CMTM3: variants seen among roughly 807,000 people sequenced by gnomAD.
The protein encoded by CMTM3 is CKLF-like MARVEL transmembrane domain-containing protein 3.
In CMTM3, 7 loss-of-function variants were observed where a neutral mutation model predicts 18.2. That is an observed-to-expected ratio of 0.38 (90% CI 0.22 to 0.72). The LOEUF is 0.72. Ranked by LOEUF, CMTM3 falls within the 30% of genes least tolerant of loss-of-function variation. The probability of loss-of-function intolerance (pLI) is 0.46; values close to 1 mark genes in which losing one functional copy is unlikely to be tolerated. For synonymous variants in CMTM3, 109 were observed against 111.2 expected, an observed-to-expected ratio of 0.98 and a Z score of 0.12; for missense variants, 227 against 249.2, an observed-to-expected ratio of 0.91 and a Z score of 0.60.
At chr16:66,607,204 G>T (rs1264892488) in intron 1 of CMTM3, among the ~76,000 whole-genome samples, 1 of 152,212 alleles carries the variant, frequency 6.6e-6, no homozygotes, top group Non-Finnish European at 1.5e-5. Flanking sequence ...ACCTTGGCCT[G>T]CTCTGCAGCG....
chr16:66,612,562 C>T lies in CMTM3; in HGVS notation c.521-47C>T, dbSNP rs747504743. On this transcript the variant is annotated intron_variant, in intron 4 of 4. Transcript: ENST00000567572. The surrounding 1 kb of genome is among the most constrained non-coding windows in gnomAD (Gnocchi z 6.0). ...TTCCCCAGAGACCGTTCCCAGGCAC[C>T]GCTGCCCTGAGCCTCCTGCCAAGCA... 1.2e-5 allele frequency: 19 copies of T among 1,604,376 alleles called. No individual in the cohort carries two copies. In the East Asian group the frequency reaches 1.6e-4, roughly 13 times the overall value.
rs755700413 is a variant in CMTM3 at position 66,609,929 on chromosome 16, T to A, written c.446T>A (p.Leu149Gln). ...ATCGTGTTTGCAACTGATTTCTACC[T>A]GATCTTTAACGACGTGGCCAAATTC... ...ATIVFATDFYLIFNDVAKFLK... is the reference protein window; with the variant it reads ...ATIVFATDFYQIFNDVAKFLK... The change falls in exon 4 of 5, where the codon CTG becomes CAG. Residue 149 changes from leucine (L) to glutamine (Q), a missense_variant. Physicochemically the swap from Leu to Gln is moderately radical, Grantham distance 113. Transcript: ENST00000567572. The surrounding 1 kb of genome is among the most constrained non-coding windows in gnomAD (Gnocchi z 4.4). The A allele has an allele frequency of 3.7e-6, 6 of 1,614,168 alleles. No homozygotes were observed. The highest frequency in any genetic ancestry group is 1.6e-4 in the Middle Eastern group (1 of 6,062).
rs531022380 is a variant in CMTM3 at position 66,610,156 on chromosome 16, G to GCA, written c.520+155_520+156dup. The stretch of plus-strand genomic sequence containing the variant: ...GCCCATTCTCACCTACCCTCATGCA[G>GCA]CACTGATCCAAAGCCAGTCCCATTC... On this transcript the variant is annotated intron_variant, in intron 4 of 4. Coordinates refer to ENST00000567572, the MANE Select transcript of CMTM3 (RefSeq NM_181553.4). This position sits in a 1 kb window ranked among gnomAD's most constrained non-coding sequence, Gnocchi z 4.6. The GCA allele has an allele frequency of 2.4e-3, 2,284 of 942,028 alleles. 5 individuals carry two copies. Among genetic ancestry groups the GCA allele is most frequent in the Non-Finnish European group, 3.1e-3 (1,932 of 630,894 alleles). The allele number at this position is 942,028 out of a possible 1,614,324, so 58.4% of individuals were successfully genotyped here. A position where few individuals can be genotyped will look rare whatever the true frequency, so the allele number is the denominator to read the frequency against.
At chr16:66,607,611 T>C (rs1300353898) in intron 1 of CMTM3, among the ~76,000 whole-genome samples, 1 of 152,246 alleles carries the variant, frequency 6.6e-6, no homozygotes, top group African/African-American at 2.4e-5. Context: ...GAAATCTACA[T>C]TCAGTGACGA....
chr16:66,607,817 G>A (rs993731233), intron 1 of CMTM3, among the ~76,000 whole-genome samples: 1 of 151,846 alleles, frequency 6.6e-6, no homozygotes, highest in African/African-American at 2.4e-5. Context: ...GCATAGGTGT[G>A]AGCCTGGGCC....
In CMTM3 at chr16:66,609,712, T is replaced by A. The variant is rs2015301629; in HGVS notation, c.400-171T>A. 6.4e-7 allele frequency: 1 copy of A among 1,552,004 alleles called. No individual in the cohort carries two copies. Among genetic ancestry groups the A allele is most frequent in the Non-Finnish European group, 8.7e-7 (1 of 1,149,500 alleles). On this transcript the variant is annotated intron_variant, in intron 3 of 4. Coordinates refer to ENST00000567572, the MANE Select transcript of CMTM3 (RefSeq NM_181553.4). This position sits in a 1 kb window ranked among gnomAD's most constrained non-coding sequence, Gnocchi z 4.4. ...CTACCCGGGGTTTTGAAAGGCTGTT[T>A]GTCAAACCAAGTTCACAGCTCATTT...
chr16:66,609,629 CT>C lies in CMTM3; in HGVS notation c.399+100del. On this transcript the variant is annotated intron_variant, in intron 3 of 4. Transcript: ENST00000567572. The surrounding 1 kb of genome is among the most constrained non-coding windows in gnomAD (Gnocchi z 4.4). ...AGAGCCTTTCCCTGCTGGGGCCCCC[CT>C]GGGGTCTCATGTGGGTCCCGATGAT... The C allele has an allele frequency of 6.6e-7, 1 of 1,514,512 alleles. No individual in the cohort carries two copies. Among genetic ancestry groups the C allele is most frequent in the Non-Finnish European group, 8.9e-7 (1 of 1,120,098 alleles). The allele number at this position is 1,514,512 out of a possible 1,614,324, so 93.8% of individuals were successfully genotyped here.
rs1236589869 is a variant in CMTM3 at position 66,613,767 on chromosome 16, T to C, written c.*1130T>C. Reference sequence around the variant, plus strand: ...CTGACCACTTGCTTGGAGTGTGTGCTTGAAAAAACCAGAGCAATACTGTTG... The same window carrying C: ...CTGACCACTTGCTTGGAGTGTGTGCCTGAAAAAACCAGAGCAATACTGTTG... On this transcript the variant is annotated 3_prime_UTR_variant, in exon 5 of 5. Coordinates refer to ENST00000567572, the MANE Select transcript of CMTM3 (RefSeq NM_181553.4). The C allele has an allele frequency of 6.6e-6, 1 of 152,326 alleles. No homozygotes were observed. The highest frequency in any genetic ancestry group is 1.5e-5 in the Non-Finnish European group (1 of 68,124). 9.4% of individuals were successfully genotyped at this position (152,326 alleles called of 1,614,324 possible). A position where few individuals can be genotyped will look rare whatever the true frequency, so the allele number is the denominator to read the frequency against.
Position 66,610,196 on chromosome 16 carries a change from C to A in CMTM3, c.520+193C>A. On this transcript the variant is annotated intron_variant, in intron 4 of 4. Transcript: ENST00000567572. This position sits in a 1 kb window ranked among gnomAD's most constrained non-coding sequence, Gnocchi z 4.6. ...CAGTCCCATTCGCCTCGTGCACCCT[C>A]ACCCCAGCCTTTCTAGGAGGGGCAA... 5.8e-6 allele frequency: 4 copies of A among 692,104 alleles called. 1 individual carries two copies. Among genetic ancestry groups the A allele is most frequent in the South Asian group, 1.9e-5 (1 of 52,642 alleles). The allele number at this position is 692,104 out of a possible 1,614,324, so 42.9% of individuals were successfully genotyped here.
At chr16:66,611,449 G>A (rs904590669) in intron 4 of CMTM3, among the ~76,000 whole-genome samples, 8 of 151,940 alleles carry the variant, frequency 5.3e-5, no homozygotes, top group Non-Finnish European at 1.0e-4. Flanking sequence ...ACTCCATCTC[G>A]GGGGGAAAAA....
Position 66,613,112 on chromosome 16 carries a change from T to G in CMTM3, c.*475T>G. 1.4e-6 allele frequency: 1 copy of G among 703,074 alleles called. No individual in the cohort carries two copies. The allele number at this position is 703,074 out of a possible 1,614,324, so 43.6% of individuals were successfully genotyped here. On this transcript the variant is annotated 3_prime_UTR_variant, in exon 5 of 5. Transcript: ENST00000567572. ...GTGCTCCTGCCCACACCAGCCACTT[T>G]GGTGACAATGACCCTTCCAAGAATC...
rs1447782622 is a variant in CMTM3, at chr16:66,610,153, G to A, written c.520+150G>A. On this transcript the variant is annotated intron_variant, in intron 4 of 4. Transcript: ENST00000567572. The surrounding 1 kb of genome is among the most constrained non-coding windows in gnomAD (Gnocchi z 4.6). ...ACAGCCCATTCTCACCTACCCTCAT[G>A]CAGCACTGATCCAAAGCCAGTCCCA... The A allele has an allele frequency of 3.1e-6, 3 of 968,972 alleles. No individual in the cohort carries two copies. The highest frequency in any genetic ancestry group is 4.6e-6 in the Non-Finnish European group (3 of 652,140). The allele number at this position is 968,972 out of a possible 1,614,324, so 60.0% of individuals were successfully genotyped here. A position where few individuals can be genotyped will look rare whatever the true frequency, so the allele number is the denominator to read the frequency against.
At position 66,613,833 on chromosome 16, in the gene CMTM3, G is replaced by A. The variant is rs1000830569; in HGVS notation, c.*1196G>A. 3 of 152,190 alleles carry A rather than the reference G, an allele frequency of 2.0e-5. No individual in the cohort carries two copies. Among genetic ancestry groups the A allele is most frequent in the African/African-American group, 7.2e-5 (3 of 41,462 alleles). 9.4% of individuals were successfully genotyped at this position (152,190 alleles called of 1,614,324 possible). A position where few individuals can be genotyped will look rare whatever the true frequency, so the allele number is the denominator to read the frequency against. ...TTCAGTACAAACTGGTAACACCAAT[G>A]TGGATCCTGACAGCTTTCAGTTTTA... On this transcript the variant is annotated 3_prime_UTR_variant, in exon 5 of 5. Transcript: ENST00000567572.
chr16:66,610,024 C>A lies in CMTM3; in HGVS notation c.520+21C>A. On this transcript the variant is annotated intron_variant, in intron 4 of 4. Coordinates refer to ENST00000567572, the MANE Select transcript of CMTM3 (RefSeq NM_181553.4). The surrounding 1 kb of genome is among the most constrained non-coding windows in gnomAD (Gnocchi z 4.6). ...AGAAGGTAAGCGGCTGCCCTGATCA[C>A]CCCAGCAGTGCTGCAACAGGGGCCT... 2 of 1,613,184 alleles carry A rather than the reference C, an allele frequency of 1.2e-6. No homozygotes were observed. Among genetic ancestry groups the A allele is most frequent in the Non-Finnish European group, 1.7e-6 (2 of 1,179,422 alleles).
At position 66,610,814 on chromosome 16, in the gene CMTM3, G is replaced by A. The variant is rs1386606631; in HGVS notation, c.520+811G>A. The A allele has an allele frequency of 2.5e-6, 1 of 398,572 alleles. No individual in the cohort carries two copies. The highest frequency in any genetic ancestry group is 4.4e-5 in the Admixed American group (1 of 22,720). 24.7% of individuals were successfully genotyped at this position (398,572 alleles called of 1,614,324 possible). ...TTGGGATCTTCCCTAGGCAGGACCA[G>A]TAGGTTAGGCTTAAGAGCCACTGGT... is the stretch of plus-strand genomic sequence containing the variant. On this transcript the variant is annotated intron_variant, in intron 4 of 4. Transcript: ENST00000567572. This position sits in a 1 kb window ranked among gnomAD's most constrained non-coding sequence, Gnocchi z 4.6.
chr16:66,610,837 G>A lies in CMTM3; in HGVS notation c.520+834G>A. On this transcript the variant is annotated intron_variant, in intron 4 of 4. Coordinates refer to ENST00000567572, the MANE Select transcript of CMTM3 (RefSeq NM_181553.4). This position sits in a 1 kb window ranked among gnomAD's most constrained non-coding sequence, Gnocchi z 4.6. ...CAGTAGGTTAGGCTTAAGAGCCACTGGTTTCCTAACAGCCAGGTGCTGGGG... is the reference window on the plus strand; with the variant it reads ...CAGTAGGTTAGGCTTAAGAGCCACTAGTTTCCTAACAGCCAGGTGCTGGGG... 2.5e-6 allele frequency: 1 copy of A among 398,636 alleles called. No individual in the cohort carries two copies. The highest frequency in any genetic ancestry group is 4.4e-6 in the Non-Finnish European group (1 of 226,100). The allele number at this position is 398,636 out of a possible 1,614,324, so 24.7% of individuals were successfully genotyped here. A position where few individuals can be genotyped will look rare whatever the true frequency, so the allele number is the denominator to read the frequency against.
At chr16:66,611,188 C>G in intron 4 of CMTM3, 1 of 219,730 alleles carries the variant, frequency 4.6e-6, no homozygotes, top group Non-Finnish European at 8.9e-6. Flanking sequence ...CACAGTGGCT[C>G]ACGCCTGTAA....
intron 1 of CMTM3, among the ~76,000 whole-genome samples, chr16:66,606,281 C>T (rs995349128): frequency 6.6e-6 from 1 of 152,006 alleles, no homozygotes; most frequent in Non-Finnish European, 1.5e-5. Context: ...CCCCAGAAAT[C>T]GCGGGATGAA....
rs2015250451 is a variant in CMTM3, at chr16:66,608,570, G to A, written c.303+106G>A. 8.5e-7 allele frequency: 1 copy of A among 1,171,486 alleles called. No homozygotes were observed. The highest frequency in any genetic ancestry group is 1.2e-6 in the Non-Finnish European group (1 of 829,434). 72.6% of individuals were successfully genotyped at this position (1,171,486 alleles called of 1,614,324 possible). On this transcript the variant is annotated intron_variant, in intron 2 of 4. Transcript: ENST00000567572. The surrounding 1 kb of genome is among the most constrained non-coding windows in gnomAD (Gnocchi z 5.1). ...CTTATCCTTTCTCTAGTGTGCTGGA[G>A]TTTGCAGTTGGTTAGAACTGGATGG...
Sources: gnomAD v4.1 joint callset for allele counts (sites outside exome capture counted in the v4.1 genomes callset) on GRCh38, gnomAD v4.1.1 for gene constraint, Gnocchi (gnomAD v3.1) non-coding constraint, MANE v1.5 for transcripts, NCBI Gene and HGNC (gene_info 2026-07-23, HGNC 2026-07-21) for gene names.